CNTN4: variants seen among roughly 807,000 people sequenced by gnomAD.
The protein encoded by CNTN4 is contactin-4.
In CNTN4, 77 loss-of-function variants were observed where a neutral mutation model predicts 122.5. That is an observed-to-expected ratio of 0.63 (90% confidence interval 0.52 to 0.76). The LOEUF (loss-of-function observed/expected upper bound fraction) is 0.76. Ranked by LOEUF, CNTN4 falls within the 30% of genes least tolerant of loss-of-function variation. The probability of loss-of-function intolerance (pLI) is 0.00; values close to 1 mark genes in which losing one functional copy is unlikely to be tolerated. For synonymous variants in CNTN4, 512 were observed against 447.0 expected (o/e 1.15, Z -1.83); for missense variants, 1,256 against 1,259.1 (o/e 1.00, Z 0.04).
intron 4 of CNTN4, among the ~76,000 whole-genome samples, chr3:2,657,762 G>A (rs561124997): frequency 3.6e-4 from 55 of 151,900 alleles, no homozygotes; most frequent in African/African-American, 1.2e-3. Context: ...AATGCAAATC[G>A]TTCTAGAGAA....
At chr3:2,196,583 C>T (rs2037843158) in intron 2 of CNTN4, among the ~76,000 whole-genome samples, 1 of 152,076 alleles carries the variant, frequency 6.6e-6, no homozygotes, top group Non-Finnish European at 1.5e-5. Flanking sequence ...TGGTACCATT[C>T]ATTCATCATT....
Position 2,137,548 on chromosome 3 carries a change from C to T in CNTN4, c.-145+36909C>T, listed in dbSNP as rs557389734. ...CAAAATGAATTGTATTGCCTGCAGG[C>T]GATTCACTTGCTTAAGTTATATTTG... On this transcript the variant is annotated intron_variant, in intron 2 of 24. Coordinates refer to ENST00000418658, the MANE Select transcript of CNTN4 (RefSeq NM_175607.3). 2.2e-3 allele frequency among the ~76,000 whole-genome samples: 336 copies of T among 152,070 alleles called. 1 individual carries two copies. The highest frequency in any genetic ancestry group is 7.8e-3 in the African/African-American group (323 of 41,450).
At chr3:2,179,965 A>G (rs989030344) in intron 2 of CNTN4, among the ~76,000 whole-genome samples, 1 of 152,034 alleles carries the variant, frequency 6.6e-6, no homozygotes, top group Non-Finnish European at 1.5e-5. Context: ...ACTAAGCCTT[A>G]TAAATCTAGT....
chr3:2,421,139 A>T (rs1254313784), intron 3 of CNTN4, among the ~76,000 whole-genome samples: 1 of 152,094 alleles, frequency 6.6e-6, no homozygotes, highest in East Asian at 1.9e-4. Context: ...GTCCCAGTTT[A>T]GCCCTCCCCC....
chr3:2,683,936 T>G lies in CNTN4; in HGVS notation c.56-52279T>G, dbSNP rs556770180. 3.3e-5 allele frequency among the ~76,000 whole-genome samples: 5 copies of G among 152,238 alleles called. No individual in the cohort carries two copies. In the South Asian group the frequency reaches 1.0e-3, roughly 32 times the overall value. ...GGGACAGGTCCCAAAGCCAGCCTTTTAAAGAAATTCCCCATGATGAGTCTT... is the reference window on the plus strand; with the variant it reads ...GGGACAGGTCCCAAAGCCAGCCTTTGAAAGAAATTCCCCATGATGAGTCTT... On this transcript the variant is annotated intron_variant, in intron 4 of 24. Coordinates refer to ENST00000418658, the MANE Select transcript of CNTN4 (RefSeq NM_175607.3).
chr3:2,672,256 CT>C (rs2084566816), intron 4 of CNTN4, among the ~76,000 whole-genome samples: 1 of 152,174 alleles, frequency 6.6e-6, no homozygotes, highest in Non-Finnish European at 1.5e-5. Flanking sequence ...CTGTGGTGGG[CT>C]CCACCCAGTT....
intron 12 of CNTN4, among the ~76,000 whole-genome samples, chr3:2,906,218 A>G (rs891525058): frequency 1.3e-5 from 2 of 152,162 alleles, no homozygotes; most frequent in African/African-American, 4.8e-5. Context: ...TCGTTCAAAG[A>G]ATACAACACT....
chr3:2,856,946 C>T (rs921925208), intron 7 of CNTN4, among the ~76,000 whole-genome samples: 10 of 152,152 alleles, frequency 6.6e-5, no homozygotes, highest in African/African-American at 2.4e-4. Flanking sequence ...ATTAATCTGA[C>T]AGCGTTGTAT....
chr3:2,283,493 C>G (rs1431282797), intron 2 of CNTN4, among the ~76,000 whole-genome samples: 1 of 152,044 alleles, frequency 6.6e-6, no homozygotes, highest in African/African-American at 2.4e-5. Flanking sequence ...GAAACAGGCT[C>G]ACAAAGCAGT....
At chr3:2,443,679 C>A (rs1317500683) in intron 3 of CNTN4, among the ~76,000 whole-genome samples, 1 of 152,086 alleles carries the variant, frequency 6.6e-6, no homozygotes, top group African/African-American at 2.4e-5. Flanking sequence ...ACTTACCCAA[C>A]ACACTGAACC....
At chr3:3,050,632 G>A (rs755618165) in intron 23 of CNTN4, among the ~76,000 whole-genome samples, 4 of 152,026 alleles carry the variant, frequency 2.6e-5, no homozygotes, top group South Asian at 2.1e-4. Context: ...GCATGGTGGC[G>A]CATGCCTGTA....
At chr3:2,270,470 G>A (rs544850248) in intron 2 of CNTN4, among the ~76,000 whole-genome samples, 5 of 145,988 alleles carry the variant, frequency 3.4e-5, no homozygotes, top group African/African-American at 1.3e-4. Flanking sequence ...ATATATATAT[G>A]GGATTGCCTT....
chr3:2,858,437 A>C (rs542488133), intron 7 of CNTN4, among the ~76,000 whole-genome samples: 3 of 152,322 alleles, frequency 2.0e-5, no homozygotes, highest in African/African-American at 7.2e-5. Context: ...GAAAAGCCCA[A>C]TATCAAGGCC....
At chr3:2,353,751 T>C (rs2044744351) in intron 3 of CNTN4, among the ~76,000 whole-genome samples, 1 of 151,996 alleles carries the variant, frequency 6.6e-6, no homozygotes. Flanking sequence ...AAAACAAAAT[T>C]AGCCGGGTGT....
intron 13 of CNTN4, chr3:2,927,293 C>A (rs548005573): frequency 2.2e-4 from 101 of 455,930 alleles, no homozygotes; most frequent in Non-Finnish European, 3.8e-4. Flanking sequence ...CTCTTTTGCA[C>A]CTAGTGTACA....
chr3:2,896,203 T>C (rs900701343), intron 10 of CNTN4, among the ~76,000 whole-genome samples: 1 of 152,222 alleles, frequency 6.6e-6, no homozygotes, highest in East Asian at 1.9e-4. Context: ...GCAAAGTATG[T>C]GTATGTTTCT....
chr3:2,764,241 T>G (rs1486694299), intron 6 of CNTN4, among the ~76,000 whole-genome samples: 1 of 152,140 alleles, frequency 6.6e-6, no homozygotes, highest in Admixed American at 6.5e-5. Context: ...GATCACCAAT[T>G]GAGACAAATG....
chr3:2,360,605 G>T (rs879914140), intron 3 of CNTN4, among the ~76,000 whole-genome samples: 4 of 152,146 alleles, frequency 2.6e-5, no homozygotes, highest in Non-Finnish European at 5.9e-5. Flanking sequence ...CATGGCTGGG[G>T]AGGCCTCAGG....
At chr3:2,994,572 T>C (rs961973735) in intron 14 of CNTN4, among the ~76,000 whole-genome samples, 2 of 148,606 alleles carry the variant, frequency 1.3e-5, no homozygotes, top group African/African-American at 5.0e-5. Context: ...AGTTTATTTA[T>C]GTTTAAATCA....
Sources: allele counts gnomAD v4.1 joint callset (sites outside exome capture counted in the v4.1 genomes callset), GRCh38; gene constraint gnomAD v4.1.1; transcripts MANE v1.5; gene names NCBI Gene and HGNC (gene_info 2026-07-23, HGNC 2026-07-21).